The following ADAMTS19 variants were observed in gnomAD, a reference collection of about 807,000 sequenced individuals.
ADAMTS19 encodes A disintegrin and metalloproteinase with thrombospondin motifs 19.
In ADAMTS19, 93 loss-of-function variants were observed where a neutral mutation model predicts 153.3. That is an observed-to-expected ratio of 0.61 (90% CI 0.51 to 0.72). The LOEUF (loss-of-function observed/expected upper bound fraction) is 0.72, where lower values mean the gene tolerates loss of function less well. Ranked by LOEUF, ADAMTS19 falls within the 30% of genes least tolerant of loss-of-function variation. The pLI, the probability that ADAMTS19 is intolerant of heterozygous loss-of-function variation, is 0.00. For synonymous variants in ADAMTS19, 600 were observed against 556.6 expected (o/e 1.08, Z -1.10); for missense variants, 1,482 against 1,552.1 (o/e 0.95, Z 0.76).
At chr5:129,695,927 G>A (rs994271317) in intron 19 of ADAMTS19, among the ~76,000 whole-genome samples, 16 of 152,152 alleles carry the variant, frequency 1.1e-4, no homozygotes, top group African/African-American at 2.9e-4. Context: ...GGCAGATAAT[G>A]TGTCATTTTA....
At chr5:129,678,775 T>C (rs1754663474) in intron 16 of ADAMTS19, among the ~76,000 whole-genome samples, 1 of 152,202 alleles carries the variant, frequency 6.6e-6, no homozygotes, top group Non-Finnish European at 1.5e-5. Flanking sequence ...GTATATAGCA[T>C]ATTTATTTAA....
intron 14 of ADAMTS19, among the ~76,000 whole-genome samples, chr5:129,658,355 AAGAAAGAAAGAAAG>A (rs1387444428): frequency 5.9e-5 from 8 of 136,526 alleles, no homozygotes; most frequent in African/African-American, 1.6e-4. Flanking sequence ...GAAAGAAAGA[AAGAAAGAAAGAAAG>A]AGAGAGAGGA....
intron 2 of ADAMTS19, among the ~76,000 whole-genome samples, chr5:129,504,109 T>TA (rs1299684393): frequency 6.6e-6 from 1 of 152,190 alleles, no homozygotes; most frequent in Non-Finnish European, 1.5e-5. Flanking sequence ...TATGAGTTTA[T>TA]TTTATTTTCT....
At chr5:129,466,272 G>C (rs867675055) in intron 2 of ADAMTS19, among the ~76,000 whole-genome samples, 1 of 152,060 alleles carries the variant, frequency 6.6e-6, no homozygotes, top group African/African-American at 2.4e-5. Flanking sequence ...ACAACAGATA[G>C]GTGAGCAGGG....
In ADAMTS19 at chr5:129,551,865, A is replaced by T; in HGVS notation, c.1330A>T (p.Lys444Ter). Residue 444 changes from lysine (K) to a stop codon, truncating the protein, a stop_gained and splice_region_variant, in exon 7 of 23, where the codon AAA becomes TAA. Coordinates refer to ENST00000274487, the MANE Select transcript of ADAMTS19 (RefSeq NM_133638.6). LOFTEE classifies it high-confidence loss of function. ...SVDAAILITR[K>*]DFCVHKDEPC... ...TCAGTTTTCTATTTTTCTTTCTAGG[A>T]AAGATTTCTGTGTGCACAAAGATGA... is the stretch of plus-strand genomic sequence containing the variant. The T allele has an allele frequency of 6.4e-7, 1 of 1,572,124 alleles. No individual in the cohort carries two copies. The highest frequency in any genetic ancestry group is 1.2e-5 in the South Asian group (1 of 83,308).
intron 16 of ADAMTS19, among the ~76,000 whole-genome samples, chr5:129,668,600 C>G (rs75543737): frequency 1.3e-5 from 2 of 152,180 alleles, no homozygotes; most frequent in African/African-American, 4.8e-5. Flanking sequence ...TCAGAAGACT[C>G]CACCTTCTAA....
intron 10 of ADAMTS19, among the ~76,000 whole-genome samples, chr5:129,627,265 G>A (rs537201232): frequency 2.8e-4 from 42 of 152,132 alleles, no homozygotes; most frequent in African/African-American, 7.0e-4. Context: ...ATAAAATGCC[G>A]AAGTATATTG....
At chr5:129,657,765 T>G (rs1298333131) in intron 14 of ADAMTS19, among the ~76,000 whole-genome samples, 1 of 152,184 alleles carries the variant, frequency 6.6e-6, no homozygotes, top group Non-Finnish European at 1.5e-5. Context: ...TATGTTCAGT[T>G]TTCCAGAAAG....
intron 10 of ADAMTS19, among the ~76,000 whole-genome samples, chr5:129,628,588 T>C (rs577273958): frequency 4.7e-4 from 71 of 152,170 alleles, no homozygotes; most frequent in African/African-American, 1.7e-3. Context: ...CCTGAATATA[T>C]AAGGTGTCAG....
intron 7 of ADAMTS19, among the ~76,000 whole-genome samples, chr5:129,557,295 A>G (rs1753347621): frequency 1.3e-5 from 2 of 152,160 alleles, no homozygotes; most frequent in African/African-American, 4.8e-5. Context: ...AAATTGAATC[A>G]ATTCTTTAAA....
At position 129,605,648 on chromosome 5, in the gene ADAMTS19, T is replaced by C. The variant is rs190250879; in HGVS notation, c.1478+8984T>C. On this transcript the variant is annotated intron_variant, in intron 8 of 22. Coordinates refer to ENST00000274487, the MANE Select transcript of ADAMTS19 (RefSeq NM_133638.6). ...TATGTCTCTTTCTTCTGTTTGTATATAATGAGATCTTGTCTACTTAGTTCA... is the reference window on the plus strand; with the variant it reads ...TATGTCTCTTTCTTCTGTTTGTATACAATGAGATCTTGTCTACTTAGTTCA... Among the ~76,000 whole-genome samples the C allele has an allele frequency of 5.1e-4, 78 of 152,316 alleles. No homozygotes were observed. The Middle Eastern group carries it at 0.034, about 66-fold the overall frequency.
chr5:129,509,686 T>G (rs1380865568), intron 3 of ADAMTS19, among the ~76,000 whole-genome samples: 1 of 151,968 alleles, frequency 6.6e-6, no homozygotes, highest in Non-Finnish European at 1.5e-5. Context: ...AAAATCATTT[T>G]GGAGGTTAAA....
chr5:129,662,168 G>T (rs540968596), intron 15 of ADAMTS19, among the ~76,000 whole-genome samples: 1 of 152,250 alleles, frequency 6.6e-6, no homozygotes, highest in East Asian at 1.9e-4. Context: ...TTCAAAATAT[G>T]GCGTTTGTTA....
At chr5:129,666,653 T>C (rs906350853) in intron 16 of ADAMTS19, among the ~76,000 whole-genome samples, 1 of 152,222 alleles carries the variant, frequency 6.6e-6, no homozygotes, top group African/African-American at 2.4e-5. Context: ...ACACACTCAT[T>C]ACCAATTATT....
intron 16 of ADAMTS19, among the ~76,000 whole-genome samples, chr5:129,669,505 G>A (rs968395697): frequency 1.3e-5 from 2 of 151,766 alleles, no homozygotes; most frequent in Admixed American, 6.6e-5. Context: ...CTTTTCTTTT[G>A]TTCCCTTAGT....
chr5:129,561,642 A>G (rs923786357), intron 7 of ADAMTS19, among the ~76,000 whole-genome samples: 1 of 152,192 alleles, frequency 6.6e-6, no homozygotes, highest in Non-Finnish European at 1.5e-5. Context: ...ACAATGTAGA[A>G]CCTGAAAGCA....
intron 21 of ADAMTS19, among the ~76,000 whole-genome samples, chr5:129,730,029 T>C (rs1757369958): frequency 6.6e-6 from 1 of 152,138 alleles, no homozygotes; most frequent in African/African-American, 2.4e-5. Flanking sequence ...TAGGAATAGA[T>C]ACTAGAACAG....
intron 3 of ADAMTS19, among the ~76,000 whole-genome samples, chr5:129,517,564 T>G (rs1751655338): frequency 6.6e-6 from 1 of 152,034 alleles, no homozygotes; most frequent in Non-Finnish European, 1.5e-5. Context: ...TTACAGTTTT[T>G]GTCTTGAAAT....
chr5:129,554,888 A>G (rs1211695805), intron 7 of ADAMTS19, among the ~76,000 whole-genome samples: 1 of 152,120 alleles, frequency 6.6e-6, no homozygotes, highest in East Asian at 1.9e-4. Context: ...TTAAATGAGC[A>G]TATATATAGC....
Sources: gnomAD v4.1 joint callset for allele counts (sites outside exome capture counted in the v4.1 genomes callset) on GRCh38, gnomAD v4.1.1 for gene constraint, MANE v1.5 for transcripts, NCBI Gene and HGNC (gene_info 2026-07-23, HGNC 2026-07-21) for gene names.